Variants in RCOR1 observed in about 807,000 individuals in gnomAD.
The protein encoded by RCOR1 is REST corepressor.
A neutral mutation model predicts 64.0 loss-of-function variants in RCOR1; 12 were observed. That is an observed-to-expected ratio of 0.19 (90% CI 0.12 to 0.30). The LOEUF is 0.30. Among genes scored for constraint, RCOR1 ranks in the 10% least tolerant of loss-of-function variants. The pLI is 1.00. For missense variants in RCOR1, 502 were observed against 621.2 expected (o/e 0.81, Z 2.04); for synonymous variants, 279 against 227.2 (o/e 1.23, Z -2.05).
intron 3 of RCOR1, among the ~76,000 whole-genome samples, chr14:102,683,966 C>T (rs940453762): frequency 6.6e-6 from 1 of 152,192 alleles, no homozygotes; most frequent in Non-Finnish European, 1.5e-5. Context: ...CTGGGTGCGC[C>T]GTGACCTGGG....
chr14:102,721,001 TC>T lies in RCOR1; in HGVS notation c.1054-4del. 1 of 1,442,690 alleles carries T rather than the reference TC, an allele frequency of 6.9e-7. No individual in the cohort carries two copies. Among genetic ancestry groups the T allele is most frequent in the East Asian group, 2.3e-5 (1 of 42,808 alleles). The allele number at this position is 1,442,690 out of a possible 1,614,324, so 89.4% of individuals were successfully genotyped here. On this transcript the variant is annotated splice_polypyrimidine_tract_variant and splice_region_variant and intron_variant, in intron 8 of 11. Coordinates refer to ENST00000262241, the MANE Select transcript of RCOR1 (RefSeq NM_015156.4). ...TTTAAAATGAAAATTATTTTTTCCTTCCTAGATCCAGAATATTAAACAGACA... is the reference window on the plus strand; with the variant it reads ...TTTAAAATGAAAATTATTTTTTCCTTCTAGATCCAGAATATTAAACAGACA...
chr14:102,674,141 G>C (rs1309397925), intron 2 of RCOR1, among the ~76,000 whole-genome samples: 1 of 152,192 alleles, frequency 6.6e-6, no homozygotes, highest in Non-Finnish European at 1.5e-5. Context: ...ATAAGAAGGA[G>C]TTAGGGCCTT....
At chr14:102,661,951 G>A (rs62007925) in intron 2 of RCOR1, among the ~76,000 whole-genome samples, 30,269 of 151,918 alleles carry the variant, frequency 0.2, 3,278 homozygotes, top group East Asian at 0.38. Context: ...TGTAGTGACA[G>A]GGTCTCACTT....
At chr14:102,707,250 T>G in intron 4 of RCOR1, 101 bp from the exon 5 acceptor site, 4 of 983,278 alleles carry the variant, frequency 4.1e-6, no homozygotes, top group Non-Finnish European at 6.0e-6. Context: ...TGAGTTAGTT[T>G]GTCTAAATAT....
Position 102,592,953 on chromosome 14 carries a change from G to T in RCOR1, c.67G>T (p.Ala23Ser), listed in dbSNP as rs1253114378. The T allele has an allele frequency of 2.5e-6, 3 of 1,177,320 alleles. No individual in the cohort carries two copies. The Admixed American group carries it at 1.3e-4, about 49-fold the overall frequency. The allele number at this position is 1,177,320 out of a possible 1,614,324, so 72.9% of individuals were successfully genotyped here. A position where few individuals can be genotyped will look rare whatever the true frequency, so the allele number is the denominator to read the frequency against. The change falls in exon 1 of 12, where the codon GCC (alanine) becomes TCC (serine). Residue 23 changes from alanine (A) to serine (S), a missense_variant. Ala to Ser is a moderately conservative substitution (Grantham distance 99). This residue lies in a region of RCOR1 where 242 missense variants were observed against 204.9 expected (regional missense o/e 1.18). Coordinates refer to ENST00000262241, the MANE Select transcript of RCOR1 (RefSeq NM_015156.4). ...GKRRGRNNAAASASAAAASAA... is the reference protein window; with the variant it reads ...GKRRGRNNAASSASAAAASAA... ...GCGGAGAGGGAGGAACAACGCGGCCGCCTCCGCCTCCGCCGCCGCCGCCTC... is the reference window on the plus strand; with the variant it reads ...GCGGAGAGGGAGGAACAACGCGGCCTCCTCCGCCTCCGCCGCCGCCGCCTC...
chr14:102,650,535 G>A (rs567072718), intron 2 of RCOR1, among the ~76,000 whole-genome samples: 1 of 152,130 alleles, frequency 6.6e-6, no homozygotes, highest in Non-Finnish European at 1.5e-5. Context: ...TACAAACCTC[G>A]CCACATCCAC....
intron 2 of RCOR1, among the ~76,000 whole-genome samples, chr14:102,628,161 C>T (rs1894021246): frequency 6.6e-6 from 1 of 152,150 alleles, no homozygotes; most frequent in Non-Finnish European, 1.5e-5. Context: ...TAAACTCAGC[C>T]TTTTTGTTCT....
Position 102,701,462 on chromosome 14 carries a change from T to G in RCOR1, c.498+132T>G, listed in dbSNP as rs1895757859. On this transcript the variant is annotated intron_variant, in intron 4 of 11. Coordinates refer to ENST00000262241, the MANE Select transcript of RCOR1 (RefSeq NM_015156.4). Reference sequence around the variant, plus strand: ...AACTTTTTGGTAATTACTAGTAGTGTTACACAAACTCTGGTCTTCTTTTTC... The same window carrying G: ...AACTTTTTGGTAATTACTAGTAGTGGTACACAAACTCTGGTCTTCTTTTTC... 1.4e-5 allele frequency: 8 copies of G among 584,696 alleles called. No homozygotes were observed. The East Asian group carries it at 2.6e-4, about 19-fold the overall frequency. 36.2% of individuals were successfully genotyped at this position (584,696 alleles called of 1,614,324 possible).
chr14:102,677,181 C>G lies in RCOR1; in HGVS notation c.362-4714C>G, dbSNP rs1276278853. On this transcript the variant is annotated intron_variant, in intron 2 of 11. Coordinates refer to ENST00000262241, the MANE Select transcript of RCOR1 (RefSeq NM_015156.4). ...GGCTGACCCCCCCCCACCTCCCTCC[C>G]GGACGGGGCGGCTGGCCGGGCAGGG... 1.4e-5 allele frequency among the ~76,000 whole-genome samples: 2 copies of G among 139,378 alleles called. 1 individual carries two copies. The highest frequency in any genetic ancestry group is 3.2e-5 in the Non-Finnish European group (2 of 63,204). The allele number at this position is 139,378 out of a possible 152,430, so 91.4% of individuals were successfully genotyped here. A position where few individuals can be genotyped will look rare whatever the true frequency, so the allele number is the denominator to read the frequency against.
At chr14:102,701,225 A>C in intron 3 of RCOR1, 53 bp from the exon 4 acceptor site, 2 of 1,395,668 alleles carry the variant, frequency 1.4e-6, no homozygotes, top group Non-Finnish European at 2.0e-6. Flanking sequence ...AGCAGACCAT[A>C]GGGTGTACTC....
chr14:102,632,305 A>T (rs1179864252), intron 2 of RCOR1, among the ~76,000 whole-genome samples: 8 of 147,658 alleles, frequency 5.4e-5, no homozygotes, highest in Non-Finnish European at 1.2e-4. Flanking sequence ...CAAGTTGCGC[A>T]TCCTGGGTTC....
intron 2 of RCOR1, among the ~76,000 whole-genome samples, chr14:102,679,280 T>C (rs1290358300): frequency 6.6e-6 from 1 of 152,188 alleles, no homozygotes; most frequent in Non-Finnish European, 1.5e-5. Flanking sequence ...TGTTTTGAGA[T>C]AATTTTGAGG....
chr14:102,626,173 A>G (rs1484389880), intron 2 of RCOR1, among the ~76,000 whole-genome samples: 1 of 152,134 alleles, frequency 6.6e-6, no homozygotes, highest in African/African-American at 2.4e-5. Context: ...GCTTTTGTTC[A>G]GCTTAAATTC....
intron 2 of RCOR1, among the ~76,000 whole-genome samples, chr14:102,653,637 G>C (rs1393745314): frequency 6.6e-6 from 1 of 152,116 alleles, no homozygotes; most frequent in Non-Finnish European, 1.5e-5. Context: ...GATCATGGGG[G>C]TGGATATCCC....
chr14:102,653,173 C>T (rs1001118086), intron 2 of RCOR1, among the ~76,000 whole-genome samples: 15 of 152,048 alleles, frequency 9.9e-5, no homozygotes, highest in African/African-American at 3.4e-4. Flanking sequence ...CTTCCTGCCT[C>T]GGCCTCCCAA....
At chr14:102,699,579 G>C (rs1895714511) in intron 3 of RCOR1, among the ~76,000 whole-genome samples, 1 of 152,186 alleles carries the variant, frequency 6.6e-6, no homozygotes, top group African/African-American at 2.4e-5. Context: ...TAGAAGCTCA[G>C]ACTTTTATTA....
intron 2 of RCOR1, among the ~76,000 whole-genome samples, chr14:102,673,999 G>C (rs1218468739): frequency 1.3e-5 from 2 of 152,090 alleles, no homozygotes; most frequent in African/African-American, 4.8e-5. Context: ...ATGTAGATAG[G>C]GTTCTTCAGA....
chr14:102,593,161 C>G lies in RCOR1; in HGVS notation c.275C>G (p.Ser92Trp). ...SSSNSWEEGSSGSSSDEEHGG... is the reference protein window; with the variant it reads ...SSSNSWEEGSWGSSSDEEHGG... ...AGCAACTCCTGGGAGGAAGGCAGCT[C>G]GGGCTCGTCCAGCGACGAGGAGCAC... The change falls in exon 1 of 12, where the codon TCG (serine) becomes TGG (tryptophan). Residue 92 changes from serine (S) to tryptophan (W), a missense_variant. Around this residue, in one of 2 missense-constraint regions of RCOR1, gnomAD observed 242 missense variants for 204.9 expected, o/e 1.18. Transcript: ENST00000262241. The G allele has an allele frequency of 2.0e-6, 3 of 1,524,706 alleles. No homozygotes were observed. Among genetic ancestry groups the G allele is most frequent in the Non-Finnish European group, 2.6e-6 (3 of 1,142,082 alleles). 94.4% of individuals were successfully genotyped at this position (1,524,706 alleles called of 1,614,324 possible).
At chr14:102,607,476 G>A (rs749791467) in intron 2 of RCOR1, among the ~76,000 whole-genome samples, 3 of 152,084 alleles carry the variant, frequency 2.0e-5, no homozygotes, top group Non-Finnish European at 2.9e-5. Flanking sequence ...GCCAGGTGTG[G>A]TGACTCATGC....
Sources: gnomAD v4.1 joint callset for allele counts (sites outside exome capture counted in the v4.1 genomes callset) on GRCh38, gnomAD v4.1.1 for gene constraint, gnomAD v4.1.1 regional missense constraint, MANE v1.5 for transcripts, NCBI Gene and HGNC (gene_info 2026-07-23, HGNC 2026-07-21) for gene names.